Variants in RNF213 observed in about 807,000 individuals in gnomAD.
RNF213 encodes ring finger protein 213.
RNF213 carries 341 observed loss-of-function variants against 514.4 expected under a neutral mutation model. That is an observed-to-expected ratio of 0.66 (90% CI 0.61 to 0.73). The LOEUF (loss-of-function observed/expected upper bound fraction) is 0.73. RNF213 is among the 30% of genes least tolerant of loss of function. The probability of loss-of-function intolerance (pLI) is 0.00; values close to 1 mark genes in which losing one functional copy is unlikely to be tolerated. For synonymous variants in RNF213, 2,655 were observed against 2,658.2 expected (o/e 1.00, Z 0.04); for missense variants, 5,767 against 6,615.6 (o/e 0.87, Z 4.45).
chr17:80,279,310 C>T (rs1739387960), intron 3 of RNF213, among the ~76,000 whole-genome samples: 1 of 152,150 alleles, frequency 6.6e-6, no homozygotes. Context: ...CTTAGAGGGC[C>T]AGGCCCAGGC....
At chr17:80,328,026 G>A (rs558779880) in intron 19 of RNF213, 37 bp downstream of exon 19, 2 of 1,533,006 alleles carry the variant, frequency 1.3e-6, no homozygotes, top group African/African-American at 1.4e-5. Context: ...AGGCTCCTGA[G>A]GCATTAAGTA....
chr17:80,309,015 C>T lies in RNF213; in HGVS notation c.2502-3C>T. ...GGATTTCTCTTAACTCTTTGCGGGGCAGGATTCCCGAGGAGGCCTTGTCAC... is the reference window on the plus strand; with the variant it reads ...GGATTTCTCTTAACTCTTTGCGGGGTAGGATTCCCGAGGAGGCCTTGTCAC... On this transcript the variant is annotated splice_region_variant and splice_polypyrimidine_tract_variant and intron_variant, in intron 13 of 67. Coordinates refer to ENST00000582970, the MANE Select transcript of RNF213 (RefSeq NM_001256071.3). 1.2e-6 allele frequency: 2 copies of T among 1,613,910 alleles called. No homozygotes were observed. Among genetic ancestry groups the T allele is most frequent in the South Asian group, 2.2e-5 (2 of 91,070 alleles).
At chr17:80,356,705 C>T (rs1478994043) in intron 36 of RNF213, among the ~76,000 whole-genome samples, 1 of 152,272 alleles carries the variant, frequency 6.6e-6, no homozygotes, top group African/African-American at 2.4e-5. Context: ...GCGCTTGTCC[C>T]AGCGCCTGGG....
intron 3 of RNF213, among the ~76,000 whole-genome samples, chr17:80,273,994 G>A (rs1028451089): frequency 6.6e-6 from 1 of 152,138 alleles, no homozygotes; most frequent in African/African-American, 2.4e-5. Flanking sequence ...TGGGGCCTGA[G>A]CTTCTGCCGT....
intron 58 of RNF213, 63 bp from the exon 59 acceptor site, chr17:80,383,613 TG>T (rs2080110792): frequency 1.9e-6 from 3 of 1,561,664 alleles, no homozygotes; most frequent in Non-Finnish European, 2.6e-6. Context: ...AGTTACTGGG[TG>T]TTACAATCTG....
chr17:80,375,555 AAT>A (rs2079716928), intron 50 of RNF213, among the ~76,000 whole-genome samples: 1 of 135,332 alleles, frequency 7.4e-6, no homozygotes, highest in East Asian at 2.8e-4. Flanking sequence ...AAAAAAAAAG[AAT>A]TAGCCGGACA....
At chr17:80,289,989 G>A (rs1005507659) in intron 6 of RNF213, 152 bp downstream of exon 6, 16 of 828,264 alleles carry the variant, frequency 1.9e-5, no homozygotes, top group Admixed American at 1.2e-4. Flanking sequence ...CCACTTAGGA[G>A]GTGGAGGGGG....
At position 80,340,309 on chromosome 17, in the gene RNF213, A is replaced by G. The variant is rs1252995804; in HGVS notation, c.5942A>G (p.Asn1981Ser). The change falls in exon 26 of 68, where the codon AAT (asparagine) becomes AGT (serine). Residue 1981 changes from asparagine (N) to serine (S), a missense_variant. This residue lies in a region of RNF213 where 1,377 missense variants were observed against 1,635.2 expected (regional missense o/e 0.84). Transcript: ENST00000582970. ...ACCCTGTCGGCGGCAGCCGTGTTCAATGACCGGCTGTGTGTTGGGATCGTG... is the reference window on the plus strand; with the variant it reads ...ACCCTGTCGGCGGCAGCCGTGTTCAGTGACCGGCTGTGTGTTGGGATCGTG... ...KQTLSAAAVF[N>S]DRLCVGIVAS... The G allele has an allele frequency of 5.6e-6, 9 of 1,613,508 alleles. No homozygotes were observed. In the East Asian group the frequency reaches 6.7e-5, roughly 12 times the overall value.
intron 35 of RNF213, 89 bp downstream of exon 35, chr17:80,354,255 C>T (rs2078646886): frequency 6.6e-7 from 1 of 1,523,894 alleles, no homozygotes; most frequent in Non-Finnish European, 9.0e-7. Context: ...TGGGGGACAC[C>T]CTCTCAGGTT....
At chr17:80,269,598 ATC>A (rs140695014) in intron 2 of RNF213, among the ~76,000 whole-genome samples, 2,822 of 138,764 alleles carry the variant, frequency 0.02, 54 homozygotes, top group East Asian at 0.11. Context: ...CGTCCATCCT[ATC>A]TGTTTATCTA....
intron 21 of RNF213, 120 bp from the exon 22 acceptor site, chr17:80,333,985 C>T (rs1372499925): frequency 2.9e-5 from 33 of 1,121,990 alleles, no homozygotes; most frequent in Non-Finnish European, 3.9e-5. Context: ...GTTGTCACAG[C>T]AGTGGCAAAT....
chr17:80,285,207 C>G (rs2044428177), intron 3 of RNF213, among the ~76,000 whole-genome samples: 1 of 152,226 alleles, frequency 6.6e-6, no homozygotes, highest in African/African-American at 2.4e-5. Context: ...CAGTGATGCT[C>G]TGATGTGGAC....
chr17:80,260,937 G>GAGCT (rs2043391980), intron 1 of RNF213, 35 bp downstream of exon 1: 1 of 151,716 alleles, frequency 6.6e-6, no homozygotes, highest in South Asian at 1.9e-4. Context: ...CCGGGGCGGG[G>GAGCT]AGCGGGCTAG....
chr17:80,382,855 T>C lies in RNF213; in HGVS notation c.13979-124T>C. 9 of 695,074 alleles carry C rather than the reference T, an allele frequency of 1.3e-5. No homozygotes were observed. The South Asian group carries it at 1.4e-4, about 11-fold the overall frequency. 43.1% of individuals were successfully genotyped at this position (695,074 alleles called of 1,614,324 possible). A position where few individuals can be genotyped will look rare whatever the true frequency, so the allele number is the denominator to read the frequency against. On this transcript the variant is annotated intron_variant, in intron 57 of 67. Coordinates refer to ENST00000582970, the MANE Select transcript of RNF213 (RefSeq NM_001256071.3). Reference sequence around the variant, plus strand: ...AACTACTTCAAAATACTTAGATTAATTTAGAAAGCTATTACCTCAAAACGA... The same window carrying C: ...AACTACTTCAAAATACTTAGATTAACTTAGAAAGCTATTACCTCAAAACGA...
chr17:80,270,118 A>C lies in RNF213; in HGVS notation c.98-3123A>C, dbSNP rs550204991. On this transcript the variant is annotated intron_variant, in intron 2 of 67. Transcript: ENST00000582970. ...TCTGCGTGAATGTGTGCGCACACAC[A>C]CACACGTTAATGTGAGTGGCAGCTC... is the stretch of plus-strand genomic sequence containing the variant. Among the ~76,000 whole-genome samples, 9 of 152,328 alleles carry C rather than the reference A, an allele frequency of 5.9e-5. No homozygotes were observed. In the South Asian group the frequency reaches 1.9e-3, roughly 32 times the overall value.
In RNF213 at chr17:80,347,283, T is replaced by A; in HGVS notation, c.8948T>A (p.Val2983Asp). 6.2e-7 allele frequency: 1 copy of A among 1,613,852 alleles called. No individual in the cohort carries two copies. Among genetic ancestry groups the A allele is most frequent in the Non-Finnish European group, 8.5e-7 (1 of 1,179,974 alleles). Residue 2983 changes from valine (V) to aspartate (D), a missense_variant, in exon 29 of 68, where the codon GTC (valine) becomes GAC (aspartate). Val to Asp is a radical substitution (Grantham distance 152, BLOSUM62 -3). Coordinates refer to ENST00000582970, the MANE Select transcript of RNF213 (RefSeq NM_001256071.3). The surrounding 1 kb of genome is among the most constrained non-coding windows in gnomAD (Gnocchi z 7.2). The stretch of plus-strand genomic sequence containing the variant: ...TCCCCGCAAGACATTGCACAGGCTG[T>A]CCTTAGGAACTTCAGTGGCAAGGAT... Reference protein sequence around the residue: ...KPSPQDIAQAVLRNFSGKDDI... With the variant: ...KPSPQDIAQADLRNFSGKDDI...
Position 80,291,822 on chromosome 17 carries a change from C to G in RNF213, c.1466C>G (p.Ser489Ter). The G allele has an allele frequency of 2.5e-6, 4 of 1,614,196 alleles. No homozygotes were observed. Among genetic ancestry groups the G allele is most frequent in the Non-Finnish European group, 3.4e-6 (4 of 1,180,040 alleles). Reference sequence around the variant, plus strand: ...TTCATAAAATCTTCACTTCTGGGCTCAGGAGGTAAGTCGTGGCAGCAGGCT... The same window carrying G: ...TTCATAAAATCTTCACTTCTGGGCTGAGGAGGTAAGTCGTGGCAGCAGGCT... ...CLFIKSSLLG[S>*]GDWHQYYDIV... Residue 489 changes from serine (S) to a stop codon, truncating the protein, a stop_gained, in exon 8 of 68, where the codon TCA becomes TGA. Coordinates refer to ENST00000582970, the MANE Select transcript of RNF213 (RefSeq NM_001256071.3). LOFTEE classifies it high-confidence loss of function.
At chr17:80,385,303 T>C (rs2080189060) in intron 60 of RNF213, 132 bp downstream of exon 60, 3 of 1,179,622 alleles carry the variant, frequency 2.5e-6, no homozygotes, top group Non-Finnish European at 3.7e-6. Context: ...GCCCTTACCA[T>C]GCGGTGAAGG....
At chr17:80,335,258 T>C (rs2077955967) in intron 22 of RNF213, among the ~76,000 whole-genome samples, 1 of 152,126 alleles carries the variant, frequency 6.6e-6, no homozygotes. Context: ...CACTTCTCCA[T>C]TGATGCTGTG....
Sources: allele counts gnomAD v4.1 joint callset (sites outside exome capture counted in the v4.1 genomes callset), GRCh38; gene constraint gnomAD v4.1.1; regional missense constraint gnomAD v4.1.1; non-coding constraint Gnocchi (gnomAD v3.1); transcripts MANE v1.5; gene names NCBI Gene and HGNC (gene_info 2026-07-23, HGNC 2026-07-21).